Variants in ASPM observed in about 807,000 individuals in gnomAD.
The protein encoded by ASPM is abnormal spindle-like microcephaly-associated protein.
A neutral mutation model predicts 366.4 loss-of-function variants in ASPM; 256 were observed. The observed-to-expected ratio is 0.70, with a 90% CI of 0.63 to 0.77. The LOEUF (loss-of-function observed/expected upper bound fraction) is 0.77. Among genes scored for constraint, ASPM ranks in the 30% least tolerant of loss-of-function variants. The pLI, the probability that ASPM is intolerant of heterozygous loss-of-function variation, is 0.00. For missense variants in ASPM, 4,146 were observed against 4,090.4 expected (o/e 1.01, Z -0.37); for synonymous variants, 1,414 against 1,342.9 (o/e 1.05, Z -1.16).
In ASPM at chr1:197,093,245, C is replaced by T. The variant is rs79899243; in HGVS notation, c.9101G>A (p.Cys3034Tyr). The T allele has an allele frequency of 1.6e-4, 255 of 1,612,032 alleles. 3 individuals are homozygous for T. In the East Asian group the frequency reaches 5.6e-3, roughly 35 times the overall value. Residue 3034 changes from cysteine (C) to tyrosine (Y), a missense_variant, in exon 21 of 28, where the codon TGT becomes TAT. By Grantham distance (194) the Cys-to-Tyr change is radical (BLOSUM62 -2). Coordinates refer to ENST00000367409, the MANE Select transcript of ASPM (RefSeq NM_018136.5). ...FLMIKRHRAA[C>Y]LIQAHYRGYK... is the part of the protein sequence containing the mutation. ...TCCTCTATAATGTGCTTGGATCAAACAAGCAGCTCGATGTCTCTATAAGGA... is the reference window on the plus strand; with the variant it reads ...TCCTCTATAATGTGCTTGGATCAAATAAGCAGCTCGATGTCTCTATAAGGA...
At chr1:197,092,149 T>C (rs1656806400) in intron 21 of ASPM, 93 bp from the exon 22 acceptor site, 2 of 1,244,638 alleles carry the variant, frequency 1.6e-6, no homozygotes, top group South Asian at 1.3e-5. Context: ...TCAAATTATA[T>C]AAACTAGCAA....
chr1:197,120,703 A>G (rs1012167879), intron 16 of ASPM, among the ~76,000 whole-genome samples: 5 of 152,122 alleles, frequency 3.3e-5, no homozygotes, highest in African/African-American at 9.7e-5. Flanking sequence ...AACTCTTCCA[A>G]TTCCCCTAGA....
rs1184035013 is a variant in ASPM, at chr1:197,092,029, G to A, written c.9322C>T (p.Leu3108Phe). 2 of 1,611,738 alleles carry A rather than the reference G, an allele frequency of 1.2e-6. No homozygotes were observed. The highest frequency in any genetic ancestry group is 1.7e-6 in the Non-Finnish European group (2 of 1,178,648). The stretch of plus-strand genomic sequence containing the variant: ...TATGCAGCTGCAGTGAAGTGAAGAA[G>A]TCGAATTTTGGCTCTCTGTTCTAAA... Reference protein sequence around the residue: ...RFLEQRAKIRLLHFTAAAYYH... With the variant: ...RFLEQRAKIRFLHFTAAAYYH... The change falls in exon 22 of 28, where the codon CTT (leucine) becomes TTT (phenylalanine). Residue 3108 changes from leucine to phenylalanine, a missense_variant. This residue lies in a region of ASPM where 3,624 missense variants were observed against 3,591.7 expected (regional missense o/e 1.01). Transcript: ENST00000367409.
At chr1:197,118,414 G>A (rs1657803962) in intron 16 of ASPM, among the ~76,000 whole-genome samples, 1 of 151,958 alleles carries the variant, frequency 6.6e-6, no homozygotes, top group Admixed American at 6.6e-5. Flanking sequence ...AACACTAAAG[G>A]GGAGAAACAA....
rs772469520 is a variant in ASPM, at chr1:197,104,079, C to G, written c.5172G>C (p.Glu1724Asp). The G allele has an allele frequency of 6.2e-7, 1 of 1,612,858 alleles. No individual in the cohort carries two copies. Among genetic ancestry groups the G allele is most frequent in the Non-Finnish European group, 8.5e-7 (1 of 1,179,428 alleles). ...SKKIAAQKRE[E>D]YMQMRESCIK... Reference sequence around the variant, plus strand: ...TACAAGATTCCCGCATCTGCATATACTCTTCTCTCTTTTGTGCAGCTATTT... The same window carrying G: ...TACAAGATTCCCGCATCTGCATATAGTCTTCTCTCTTTTGTGCAGCTATTT... Residue 1724 changes from glutamate to aspartate, a missense_variant, in exon 18 of 28, where the codon GAG becomes GAC. Physicochemically the swap from Glu to Asp is conservative, Grantham distance 45. Coordinates refer to ENST00000367409, the MANE Select transcript of ASPM (RefSeq NM_018136.5).
chr1:197,084,310 AATGTTTAC>A lies in ASPM; in HGVS notation c.*6_*13del. ...ATTTCTTTACACTATACATACTGAA[AATGTTTAC>A]ATTTACTAATAAGGAATGCCAAGCG... is the stretch of plus-strand genomic sequence containing the variant. On this transcript the variant is annotated 3_prime_UTR_variant, in exon 28 of 28. Transcript: ENST00000367409. 1 of 1,569,858 alleles carries A rather than the reference AATGTTTAC, an allele frequency of 6.4e-7. No individual in the cohort carries two copies. Among genetic ancestry groups the A allele is most frequent in the Non-Finnish European group, 8.8e-7 (1 of 1,140,488 alleles).
chr1:197,094,508 G>A (rs1422893139), intron 19 of ASPM, among the ~76,000 whole-genome samples: 2 of 151,696 alleles, frequency 1.3e-5, no homozygotes, highest in Non-Finnish European at 2.9e-5. Context: ...AGGGGGAATG[G>A]TAGAAATAAT....
In ASPM at chr1:197,143,580, A is replaced by G. The variant is rs770057308; in HGVS notation, c.672T>C (p.Ile224=). 1 of 1,613,320 alleles carries G rather than the reference A, an allele frequency of 6.2e-7. No homozygotes were observed. Among genetic ancestry groups the G allele is most frequent in the African/African-American group, 1.3e-5 (1 of 74,932 alleles). ...CATGGCATTCATTGAAAGCAGGGCTAATAGGTGATATGGGTATTTTATTTT... is the reference window on the plus strand; with the variant it reads ...CATGGCATTCATTGAAAGCAGGGCTGATAGGTGATATGGGTATTTTATTTT... ...LEENKIPISP[I]SPAFNECHGA... The change falls in exon 3 of 28, where the codon ATT becomes ATC. Residue 224 remains isoleucine (I), a synonymous_variant. Transcript: ENST00000367409.
Position 197,090,258 on chromosome 1 carries a change from G to C in ASPM, c.9767C>G (p.Ala3256Gly). ...CTTATATGTCAAAAGGTAATGAAGTGCAAGTGCAGTTCTTTTGTAGAGTTT... is the reference window on the plus strand; with the variant it reads ...CTTATATGTCAAAAGGTAATGAAGTCCAAGTGCAGTTCTTTTGTAGAGTTT... ...ENKLYKRTALALHYLLTYKHL... is the reference protein window; with the variant it reads ...ENKLYKRTALGLHYLLTYKHL... Residue 3256 changes from alanine (A) to glycine (G), a missense_variant, in exon 24 of 28, where the codon GCA becomes GGA. Physicochemically the swap from Ala to Gly is moderately conservative, Grantham distance 60. Transcript: ENST00000367409. The C allele has an allele frequency of 6.2e-7, 1 of 1,613,458 alleles. No homozygotes were observed. The highest frequency in any genetic ancestry group is 1.1e-5 in the South Asian group (1 of 91,064).
intron 10 of ASPM, among the ~76,000 whole-genome samples, chr1:197,127,762 G>A (rs1256848251): frequency 6.6e-6 from 1 of 152,076 alleles, no homozygotes; most frequent in Non-Finnish European, 1.5e-5. Flanking sequence ...TGGAAAACTT[G>A]GGCAATCTAT....
chr1:197,124,343 A>G lies in ASPM; in HGVS notation c.3169-12T>C, dbSNP rs1322697936. The G allele has an allele frequency of 1.3e-6, 2 of 1,499,866 alleles. No homozygotes were observed. The highest frequency in any genetic ancestry group is 1.8e-6 in the Non-Finnish European group (2 of 1,082,190). The allele number at this position is 1,499,866 out of a possible 1,614,324, so 92.9% of individuals were successfully genotyped here. A position where few individuals can be genotyped will look rare whatever the true frequency, so the allele number is the denominator to read the frequency against. On this transcript the variant is annotated splice_polypyrimidine_tract_variant and intron_variant, in intron 12 of 27. Coordinates refer to ENST00000367409, the MANE Select transcript of ASPM (RefSeq NM_018136.5). Reference sequence around the variant, plus strand: ...AGGGAAATATCCACCTAAAACAAACACAAAAAAAGATAAATACCTTCATAT... The same window carrying G: ...AGGGAAATATCCACCTAAAACAAACGCAAAAAAAGATAAATACCTTCATAT...
In ASPM at chr1:197,125,062, T is replaced by C. The variant is rs1371958419; in HGVS notation, c.3066A>G (p.Glu1022=). ...VLQVLKSRGI[E]LSDEHGNTIL... is the part of the protein sequence containing the mutation. Reference sequence around the variant, plus strand: ...AGTTTTTACCATGCTCATCACTTAATTCAATTCCTCGTGATTTAAGAACTT... The same window carrying C: ...AGTTTTTACCATGCTCATCACTTAACTCAATTCCTCGTGATTTAAGAACTT... The change falls in exon 11 of 28, where the codon GAA becomes GAG. Residue 1022 remains glutamate, a synonymous_variant. Coordinates refer to ENST00000367409, the MANE Select transcript of ASPM (RefSeq NM_018136.5). The C allele has an allele frequency of 1.2e-6, 2 of 1,614,060 alleles. No individual in the cohort carries two copies. The highest frequency in any genetic ancestry group is 1.7e-5 in the Admixed American group (1 of 60,014).
rs1423808512 is a variant in ASPM, at chr1:197,092,024, A to T, written c.9327T>A (p.Leu3109=). The change falls in exon 22 of 28, where the codon CTT becomes CTA. Residue 3109 remains leucine, a synonymous_variant. Transcript: ENST00000367409. ...GATAATATGCAGCTGCAGTGAAGTG[A>T]AGAAGTCGAATTTTGGCTCTCTGTT... is the stretch of plus-strand genomic sequence containing the variant. ...FLEQRAKIRL[L]HFTAAAYYHL... 1 of 1,612,050 alleles carries T rather than the reference A, an allele frequency of 6.2e-7. No individual in the cohort carries two copies. The highest frequency in any genetic ancestry group is 1.1e-5 in the South Asian group (1 of 91,044).
At chr1:197,094,864 G>A (rs1324059525) in intron 19 of ASPM, among the ~76,000 whole-genome samples, 4 of 151,674 alleles carry the variant, frequency 2.6e-5, no homozygotes, top group Non-Finnish European at 5.9e-5. Context: ...AAACACCATT[G>A]AGAAAAATTC....
At chr1:197,087,486 T>C (rs1250523073) in intron 26 of ASPM, among the ~76,000 whole-genome samples, 1 of 152,178 alleles carries the variant, frequency 6.6e-6, no homozygotes, top group Non-Finnish European at 1.5e-5. Context: ...AAGATAAATA[T>C]TCAAAAGTTG....
intron 10 of ASPM, among the ~76,000 whole-genome samples, chr1:197,128,011 A>C (rs181380701): frequency 6.6e-6 from 1 of 152,022 alleles, no homozygotes; most frequent in Admixed American, 6.6e-5. Context: ...TAAAAATACA[A>C]AAAATTAGCT....
rs2125093794 is a variant in ASPM at position 197,101,205 on chromosome 1, T to C, written c.8046A>G (p.Arg2682=). The C allele has an allele frequency of 5.0e-6, 8 of 1,612,350 alleles. No homozygotes were observed. Among genetic ancestry groups the C allele is most frequent in the Non-Finnish European group, 6.8e-6 (8 of 1,179,058 alleles). ...CCCGGTGCATATTTTGAATATCCTTTCGTACTTTAAAGCCTCTGTAATAAG... is the reference window on the plus strand; with the variant it reads ...CCCGGTGCATATTTTGAATATCCTTCCGTACTTTAAAGCCTCTGTAATAAG... ...IQSYYRGFKV[R]KDIQNMHRAA... Residue 2682 remains arginine (R), a synonymous_variant, in exon 18 of 28, where the codon CGA becomes CGG. Coordinates refer to ENST00000367409, the MANE Select transcript of ASPM (RefSeq NM_018136.5).
rs762940123 is a variant in ASPM, at chr1:197,132,267, C to T, written c.2487+18G>A. ...TAATAAAAAAATATTATTTTAGAAA[C>T]CTGAAATATATGCTTACCTCTAGAC... On this transcript the variant is annotated intron_variant, in intron 7 of 27. Coordinates refer to ENST00000367409, the MANE Select transcript of ASPM (RefSeq NM_018136.5). The T allele has an allele frequency of 3.8e-6, 6 of 1,570,944 alleles. No individual in the cohort carries two copies. The South Asian group carries it at 4.8e-5, about 13-fold the overall frequency.
Position 197,133,608 on chromosome 1 carries a change from AAAAG to A in ASPM, c.2174-17_2174-14del, listed in dbSNP as rs768734128. ...GTAGCAGCATTTACTGGGTAAAAAC[AAAAG>A]AAAGAATGTTTCTGGTTAAACAATA... On this transcript the variant is annotated splice_polypyrimidine_tract_variant and intron_variant, in intron 5 of 27. Coordinates refer to ENST00000367409, the MANE Select transcript of ASPM (RefSeq NM_018136.5). The A allele has an allele frequency of 1.4e-5, 23 of 1,611,104 alleles. No homozygotes were observed. In the South Asian group the frequency reaches 1.9e-4, roughly 13 times the overall value.
Sources: gnomAD v4.1 joint callset for allele counts (sites outside exome capture counted in the v4.1 genomes callset) on GRCh38, gnomAD v4.1.1 for gene constraint, gnomAD v4.1.1 regional missense constraint, MANE v1.5 for transcripts, NCBI Gene and HGNC (gene_info 2026-07-23, HGNC 2026-07-21) for gene names.